TMEM217B: variants seen among roughly 807,000 people sequenced by gnomAD.
The protein encoded by TMEM217B is putative transmembrane protein 217B.
the TMEM217B span, among the ~76,000 whole-genome samples, chr6:37,230,414 G>A: frequency 6.6e-6 from 1 of 152,198 alleles, no homozygotes. Flanking sequence ...TCAATTCTAT[G>A]TTGAAATCCT....
chr6:37,255,464 T>C, the TMEM217B span, among the ~76,000 whole-genome samples: 1 of 152,106 alleles, frequency 6.6e-6, no homozygotes. Context: ...GGTGGATTGC[T>C]TGAGTTTCAG....
the TMEM217B span, among the ~76,000 whole-genome samples, chr6:37,224,137 C>T: frequency 6.7e-6 from 1 of 149,976 alleles, no homozygotes; most frequent in Non-Finnish European, 1.5e-5. Flanking sequence ...CAGAGTTTTA[C>T]CATGTTGGCC....
chr6:37,243,244 C>T, the TMEM217B span, among the ~76,000 whole-genome samples: 1 of 152,184 alleles, frequency 6.6e-6, no homozygotes, highest in Non-Finnish European at 1.5e-5. Context: ...TTCTTCCACT[C>T]TGAAACAGGG....
At chr6:37,222,433 C>T in the TMEM217B span, among the ~76,000 whole-genome samples, 4 of 152,204 alleles carry the variant, frequency 2.6e-5, no homozygotes, top group African/African-American at 9.6e-5. Flanking sequence ...GGCAGGAAGC[C>T]GGGGAAGGGG....
chr6:37,256,848 CG>C, the TMEM217B span, among the ~76,000 whole-genome samples: 2 of 152,086 alleles, frequency 1.3e-5, no homozygotes, highest in Non-Finnish European at 2.9e-5. Flanking sequence ...CAAATCACCA[CG>C]GAATACAACC....
the TMEM217B span, among the ~76,000 whole-genome samples, chr6:37,238,816 T>G: frequency 1.3e-5 from 2 of 152,218 alleles, no homozygotes; most frequent in Non-Finnish European, 2.9e-5. Flanking sequence ...TTCTTCTAAG[T>G]ATTGATATAT....
chr6:37,244,272 G>A, the TMEM217B span, among the ~76,000 whole-genome samples: 1 of 152,244 alleles, frequency 6.6e-6, no homozygotes, highest in African/African-American at 2.4e-5. Flanking sequence ...TTAGAAGCAA[G>A]AAGGAGTCAA....
chr6:37,249,701 C>G, the TMEM217B span, among the ~76,000 whole-genome samples: 6 of 152,170 alleles, frequency 3.9e-5, no homozygotes, highest in Non-Finnish European at 5.9e-5. Flanking sequence ...TTGTCCTTCC[C>G]TTAGGATCTG....
the TMEM217B span, among the ~76,000 whole-genome samples, chr6:37,216,470 G>C: frequency 6.6e-6 from 1 of 152,156 alleles, no homozygotes; most frequent in Non-Finnish European, 1.5e-5. Flanking sequence ...CAGTTGAGAG[G>C]CTATGGAAGG....
At chr6:37,246,372 C>A in the TMEM217B span, among the ~76,000 whole-genome samples, 1 of 152,312 alleles carries the variant, frequency 6.6e-6, no homozygotes, top group East Asian at 1.9e-4. Flanking sequence ...CTCCCCAGGG[C>A]ATGCTCTTCT....
the TMEM217B span, chr6:37,212,496 G>C: frequency 2.2e-6 from 1 of 456,700 alleles, no homozygotes; most frequent in Non-Finnish European, 4.4e-6. Context: ...GCCTGTGGCG[G>C]CGTTTCCTGC....
the TMEM217B span, among the ~76,000 whole-genome samples, chr6:37,215,994 GGT>G: frequency 7.8e-3 from 1,159 of 149,130 alleles, 11 homozygotes; most frequent in East Asian, 0.025. Flanking sequence ...GGTTCTTCAG[GGT>G]GTGTGTGTGT....
chr6:37,237,568 A>G, the TMEM217B span, among the ~76,000 whole-genome samples: 1 of 152,244 alleles, frequency 6.6e-6, no homozygotes, highest in African/African-American at 2.4e-5. Context: ...CTTGAATGTA[A>G]CAGAATTAGA....
At chr6:37,225,136 G>A in the TMEM217B span, among the ~76,000 whole-genome samples, 1 of 151,844 alleles carries the variant, frequency 6.6e-6, no homozygotes, top group Non-Finnish European at 1.5e-5. Flanking sequence ...GGAGGCAGAG[G>A]TTGCAGTGAG....
At chr6:37,248,685 A>G in the TMEM217B span, among the ~76,000 whole-genome samples, 4 of 152,192 alleles carry the variant, frequency 2.6e-5, no homozygotes, top group African/African-American at 7.2e-5. Flanking sequence ...GAATATCTCT[A>G]TAAGGATGGC....
the TMEM217B span, among the ~76,000 whole-genome samples, chr6:37,221,372 A>G: frequency 2.0e-5 from 3 of 152,028 alleles, no homozygotes; most frequent in Non-Finnish European, 4.4e-5. Context: ...TTTTTAGTAG[A>G]GACGGGGTTT....
At chr6:37,223,797 T>TG in the TMEM217B span, among the ~76,000 whole-genome samples, 1 of 149,158 alleles carries the variant, frequency 6.7e-6, no homozygotes, top group Non-Finnish European at 1.5e-5. Context: ...CGTGAGCCAC[T>TG]GCACCTAGCC....
At chr6:37,236,168 A>C in the TMEM217B span, among the ~76,000 whole-genome samples, 1 of 152,286 alleles carries the variant, frequency 6.6e-6, no homozygotes, top group Admixed American at 6.5e-5. Context: ...ATTTAAAAAA[A>C]CAGAGACATG....
the TMEM217B span, chr6:37,212,638 A>G: frequency 5.6e-6 from 3 of 534,748 alleles, no homozygotes; most frequent in South Asian, 1.5e-5. Context: ...GTGATCTTTG[A>G]TGATCCCGTT....
Sources: allele counts gnomAD v4.1 joint callset (sites outside exome capture counted in the v4.1 genomes callset), GRCh38; gene constraint gnomAD v4.1.1; transcripts MANE v1.5; gene names NCBI Gene and HGNC (gene_info 2026-07-23, HGNC 2026-07-21).